The following TRIM72 variants were observed in gnomAD, a reference collection of about 807,000 sequenced individuals.
TRIM72 encodes tripartite motif containing 72, also known as tripartite motif-containing protein 72.
Under a neutral mutation model 31.6 loss-of-function variants are expected in TRIM72, and 33 were observed. That is an observed-to-expected ratio of 1.04 (90% CI 0.79 to 1.40). TRIM72 has a LOEUF of 1.40. TRIM72 is among the 40% of genes most tolerant of loss of function. TRIM72 has a pLI of 0.00. For synonymous variants in TRIM72, 301 were observed against 314.4 expected, an observed-to-expected ratio of 0.96 and a Z score of 0.45; for missense variants, 666 against 682.7, an observed-to-expected ratio of 0.98 and a Z score of 0.27.
At position 31,220,030 on chromosome 16, in the gene TRIM72, T is replaced by C. The variant is rs567722205; in HGVS notation, c.717+511T>C. Among the ~76,000 whole-genome samples the C allele has an allele frequency of 2.3e-3, 354 of 151,400 alleles. 1 individual carries two copies. The highest frequency in any genetic ancestry group is 8.2e-3 in the African/African-American group (336 of 41,214). On this transcript the variant is annotated intron_variant, in intron 4 of 6. Coordinates refer to ENST00000322122, the MANE Select transcript of TRIM72 (RefSeq NM_001008274.4). ...CACCTGCCTTAGCCTCCCAAAGTGC[T>C]GGGATTACAGGCGTGAGCCACCGCG...
chr16:31,222,677 G>C (rs565274566), intron 5 of TRIM72, 150 bp from the exon 6 acceptor site: 20 of 559,960 alleles, frequency 3.6e-5, no homozygotes, highest in Admixed American at 2.8e-4. Flanking sequence ...ACCATCACCA[G>C]TGTTTATCTC....
In TRIM72 at chr16:31,226,171, C is replaced by G. The variant is rs922552080; in HGVS notation, c.*1416C>G. Reference sequence around the variant, plus strand: ...CACAGGGGCTGACGCTGCGGGAAGCCCTGACCTAGTGCACAACCCATTGGG... The same window carrying G: ...CACAGGGGCTGACGCTGCGGGAAGCGCTGACCTAGTGCACAACCCATTGGG... On this transcript the variant is annotated 3_prime_UTR_variant, in exon 7 of 7. Coordinates refer to ENST00000322122, the MANE Select transcript of TRIM72 (RefSeq NM_001008274.4). 2.0e-5 allele frequency: 3 copies of G among 152,080 alleles called. No individual in the cohort carries two copies. The highest frequency in any genetic ancestry group is 7.2e-5 in the African/African-American group (3 of 41,406). 9.4% of individuals were successfully genotyped at this position (152,080 alleles called of 1,614,324 possible).
Position 31,219,036 on chromosome 16 carries a change from G to T in TRIM72, c.391-59G>T. The T allele has an allele frequency of 7.4e-6, 11 of 1,482,782 alleles. No homozygotes were observed. Among genetic ancestry groups the T allele is most frequent in the Non-Finnish European group, 1.0e-5 (11 of 1,091,462 alleles). 91.9% of individuals were successfully genotyped at this position (1,482,782 alleles called of 1,614,324 possible). On this transcript the variant is annotated intron_variant, in intron 2 of 6. Transcript: ENST00000322122. This position sits in a 1 kb window ranked among gnomAD's most constrained non-coding sequence, Gnocchi z 4.2. ...AGCCACAGAGGGCAGGTTTAGGATG[G>T]GAGGTGTGGGTTTTGGGTGGGTGGC...
At position 31,219,636 on chromosome 16, in the gene TRIM72, G is replaced by T; in HGVS notation, c.717+117G>T. 1 of 948,828 alleles carries T rather than the reference G, an allele frequency of 1.1e-6. No individual in the cohort carries two copies. The highest frequency in any genetic ancestry group is 1.7e-5 in the African/African-American group (1 of 59,682). 58.8% of individuals were successfully genotyped at this position (948,828 alleles called of 1,614,324 possible). A position where few individuals can be genotyped will look rare whatever the true frequency, so the allele number is the denominator to read the frequency against. ...GGGATAAGCCAGCAGCACACAGCCG[G>T]GAGGGGCAGGCCTCAGGACTGCTAT... is the stretch of plus-strand genomic sequence containing the variant. On this transcript the variant is annotated intron_variant, in intron 4 of 6. Transcript: ENST00000322122. This position sits in a 1 kb window ranked among gnomAD's most constrained non-coding sequence, Gnocchi z 4.2.
rs1484905000 is a variant in TRIM72, at chr16:31,225,021, C to T, written c.*266C>T. Reference sequence around the variant, plus strand: ...GCCTGGCCAACATGGTGAAACTCCTCTCTACTGAAAATACAAAAATGAGCT... The same window carrying T: ...GCCTGGCCAACATGGTGAAACTCCTTTCTACTGAAAATACAAAAATGAGCT... On this transcript the variant is annotated 3_prime_UTR_variant, in exon 7 of 7. Coordinates refer to ENST00000322122, the MANE Select transcript of TRIM72 (RefSeq NM_001008274.4). The T allele has an allele frequency of 1.9e-5, 6 of 316,980 alleles. No individual in the cohort carries two copies. Among genetic ancestry groups the T allele is most frequent in the South Asian group, 9.6e-5 (1 of 10,464 alleles). 19.6% of individuals were successfully genotyped at this position (316,980 alleles called of 1,614,324 possible). A position where few individuals can be genotyped will look rare whatever the true frequency, so the allele number is the denominator to read the frequency against.
chr16:31,220,456 GTTTTTT>G (rs71151452), intron 4 of TRIM72, among the ~76,000 whole-genome samples: 5 of 29,582 alleles, frequency 1.7e-4, no homozygotes, highest in African/African-American at 4.4e-4. Flanking sequence ...TCTCTTTTGC[GTTTTTT>G]TTTTTTTTTT....
chr16:31,214,650 C>G, intron 1 of TRIM72, 82 bp from the exon 2 acceptor site: 1 of 1,358,008 alleles, frequency 7.4e-7, no homozygotes, highest in Non-Finnish European at 9.4e-7. Flanking sequence ...GCGGCGGGCC[C>G]GGCCTGGGCT....
Position 31,216,464 on chromosome 16 carries a change from T to A in TRIM72, c.390+1336T>A. On this transcript the variant is annotated intron_variant, in intron 2 of 6. Transcript: ENST00000322122. This position sits in a 1 kb window ranked among gnomAD's most constrained non-coding sequence, Gnocchi z 6.7. ...ACAAACAAACAAAAAAAACCCAACC[T>A]CGCCCAACCTTGCCCGTCTTTATCT... 1 of 385,962 alleles carries A rather than the reference T, an allele frequency of 2.6e-6. No homozygotes were observed. Among genetic ancestry groups the A allele is most frequent in the Non-Finnish European group, 4.6e-6 (1 of 217,324 alleles). 23.9% of individuals were successfully genotyped at this position (385,962 alleles called of 1,614,324 possible). A position where few individuals can be genotyped will look rare whatever the true frequency, so the allele number is the denominator to read the frequency against.
intron 2 of TRIM72, 125 bp from the exon 3 acceptor site, chr16:31,218,970 G>C: frequency 3.4e-6 from 3 of 871,340 alleles, no homozygotes; most frequent in Non-Finnish European, 5.4e-6. Context: ...GTGGGTTTGG[G>C]GATGGGAAGA....
Position 31,225,425 on chromosome 16 carries a change from G to A in TRIM72, c.*670G>A, listed in dbSNP as rs2079552168. On this transcript the variant is annotated 3_prime_UTR_variant, in exon 7 of 7. Coordinates refer to ENST00000322122, the MANE Select transcript of TRIM72 (RefSeq NM_001008274.4). ...GAGGAGCTTGAGAACCTGTAGATAA[G>A]GGGCTCCTTTTGCCTCACACTCCCC... is the stretch of plus-strand genomic sequence containing the variant. 6.6e-6 allele frequency: 1 copy of A among 151,920 alleles called. No individual in the cohort carries two copies. Among genetic ancestry groups the A allele is most frequent in the African/African-American group, 2.4e-5 (1 of 41,330 alleles). The allele number at this position is 151,920 out of a possible 1,614,324, so 9.4% of individuals were successfully genotyped here. A position where few individuals can be genotyped will look rare whatever the true frequency, so the allele number is the denominator to read the frequency against.
chr16:31,214,715 ACTC>A lies in TRIM72; in HGVS notation c.-7-9_-7-7del, dbSNP rs1236770445. 1.9e-6 allele frequency: 3 copies of A among 1,548,018 alleles called. No individual in the cohort carries two copies. The highest frequency in any genetic ancestry group is 2.1e-4 in the Middle Eastern group (1 of 4,764). The stretch of plus-strand genomic sequence containing the variant: ...CGGCGCCGCGGGGTCCCCCTAACCT[ACTC>A]CTCCTCCACCCAGGCCCGCCATGTC... On this transcript the variant is annotated splice_polypyrimidine_tract_variant and intron_variant, in intron 1 of 6. Coordinates refer to ENST00000322122, the MANE Select transcript of TRIM72 (RefSeq NM_001008274.4).
rs1429699660 is a variant in TRIM72 at position 31,226,174 on chromosome 16, G to A, written c.*1419G>A. 6.6e-6 allele frequency: 1 copy of A among 152,122 alleles called. No homozygotes were observed. Among genetic ancestry groups the A allele is most frequent in the African/African-American group, 2.4e-5 (1 of 41,432 alleles). The allele number at this position is 152,122 out of a possible 1,614,324, so 9.4% of individuals were successfully genotyped here. A position where few individuals can be genotyped will look rare whatever the true frequency, so the allele number is the denominator to read the frequency against. On this transcript the variant is annotated 3_prime_UTR_variant, in exon 7 of 7. Transcript: ENST00000322122. ...AGGGGCTGACGCTGCGGGAAGCCCT[G>A]ACCTAGTGCACAACCCATTGGGCTC...
In TRIM72 at chr16:31,214,252, G is replaced by A. The variant is rs913101096; in HGVS notation, c.-53G>A. On this transcript the variant is annotated 5_prime_UTR_variant, in exon 1 of 7. Coordinates refer to ENST00000322122, the MANE Select transcript of TRIM72 (RefSeq NM_001008274.4). ...AGTCCAGCTAAGCTCAACCCTGACC[G>A]GTCCTCCTTCGAGACTCTTTCAGCC... 6.5e-6 allele frequency: 1 copy of A among 154,498 alleles called. No homozygotes were observed. Among genetic ancestry groups the A allele is most frequent in the Non-Finnish European group, 1.4e-5 (1 of 69,642 alleles). 9.6% of individuals were successfully genotyped at this position (154,498 alleles called of 1,614,324 possible).
Position 31,215,837 on chromosome 16 carries a change from G to A in TRIM72, c.390+709G>A, listed in dbSNP as rs1472147313. The stretch of plus-strand genomic sequence containing the variant: ...CACACGCAGTTGTGCGCGTCCCGAA[G>A]TACCCAGCAGAGACACCCAGACAGA... On this transcript the variant is annotated intron_variant, in intron 2 of 6. Coordinates refer to ENST00000322122, the MANE Select transcript of TRIM72 (RefSeq NM_001008274.4). This position sits in a 1 kb window ranked among gnomAD's most constrained non-coding sequence, Gnocchi z 6.3. The A allele has an allele frequency of 6.6e-6, 1 of 152,246 alleles. No individual in the cohort carries two copies. The highest frequency in any genetic ancestry group is 1.5e-5 in the Non-Finnish European group (1 of 68,066). The allele number at this position is 152,246 out of a possible 1,614,324, so 9.4% of individuals were successfully genotyped here. A position where few individuals can be genotyped will look rare whatever the true frequency, so the allele number is the denominator to read the frequency against.
chr16:31,217,216 C>T, intron 2 of TRIM72: 1 of 633,886 alleles, frequency 1.6e-6, no homozygotes, highest in Non-Finnish European at 2.7e-6. Context: ...CCCCCAGTTT[C>T]CCCTGGGAGA....
chr16:31,214,590 A>C (rs532440832), intron 1 of TRIM72, 142 bp from the exon 2 acceptor site: 2 of 952,074 alleles, frequency 2.1e-6, no homozygotes, highest in East Asian at 6.7e-5. Flanking sequence ...TCAGAGTCCC[A>C]TCCAGTGTAG....
Position 31,219,153 on chromosome 16 carries a change from G to GT in TRIM72, c.450dup (p.Val151CysfsTer50). 6.2e-7 allele frequency: 1 copy of GT among 1,609,372 alleles called. No individual in the cohort carries two copies. The highest frequency in any genetic ancestry group is 8.5e-7 in the Non-Finnish European group (1 of 1,177,856). On this transcript the variant is annotated frameshift_variant, in exon 3 of 7. Transcript: ENST00000322122. LOFTEE classifies it high-confidence loss of function. This position sits in a 1 kb window ranked among gnomAD's most constrained non-coding sequence, Gnocchi z 4.2. ...GAGGCATGCATGCGCAAGGAGAAGA[G>GT]TGTGGCTGTGCTGGAGCATCAGCTG...
In TRIM72 at chr16:31,224,484, G is replaced by T; in HGVS notation, c.1163G>T (p.Gly388Val). The T allele has an allele frequency of 6.7e-7, 1 of 1,482,024 alleles. No individual in the cohort carries two copies. The highest frequency in any genetic ancestry group is 8.9e-7 in the Non-Finnish European group (1 of 1,126,366). 91.8% of individuals were successfully genotyped at this position (1,482,024 alleles called of 1,614,324 possible). ...CTGTGGCTGCTGGGGCTGCGCGAGG[G>T]CAAGATCCTGGAGGCACACGTGGAG... Reference protein sequence around the residue: ...QGLWLLGLREGKILEAHVEAK... With the variant: ...QGLWLLGLREVKILEAHVEAK... Residue 388 changes from glycine (G) to valine (V), a missense_variant, in exon 7 of 7, where the codon GGC becomes GTC. Transcript: ENST00000322122.
At chr16:31,217,297 C>T (rs1173610857) in intron 2 of TRIM72, 1 of 493,862 alleles carries the variant, frequency 2.0e-6, no homozygotes, top group Non-Finnish European at 3.6e-6. Flanking sequence ...GGTTGCAAGT[C>T]ATTGAGGCAG....
Sources: gnomAD v4.1 joint callset for allele counts (sites outside exome capture counted in the v4.1 genomes callset) on GRCh38, gnomAD v4.1.1 for gene constraint, Gnocchi (gnomAD v3.1) non-coding constraint, MANE v1.5 for transcripts, NCBI Gene and HGNC (gene_info 2026-07-23, HGNC 2026-07-21) for gene names.